AGAP2: variants seen among roughly 807,000 people sequenced by gnomAD.
AGAP2 encodes ArfGAP with GTPase domain, ankyrin repeat and PH domain 2, also known as arf-GAP with GTPase, ANK repeat and PH domain-containing protein 2.
Under a neutral mutation model 110.9 loss-of-function variants are expected in AGAP2, and 32 were observed. The ratio of observed to expected loss-of-function variants is 0.29; its 90% CI spans 0.22 to 0.39. The LOEUF (loss-of-function observed/expected upper bound fraction) is 0.39, where lower values mean the gene tolerates loss of function less well. AGAP2 is among the 10% of genes least tolerant of loss of function. The pLI, the probability that AGAP2 is intolerant of heterozygous loss-of-function variation, is 1.00. For missense variants in AGAP2, 1,285 were observed against 1,638.5 expected (o/e 0.78, Z 3.72); for synonymous variants, 702 against 713.0 (o/e 0.98, Z 0.25).
Position 57,734,187 on chromosome 12 carries a change from A to G in AGAP2, c.1402-14T>C. 6.2e-7 allele frequency: 1 copy of G among 1,604,514 alleles called. No homozygotes were observed. Among genetic ancestry groups the G allele is most frequent in the African/African-American group, 1.3e-5 (1 of 74,814 alleles). On this transcript the variant is annotated splice_polypyrimidine_tract_variant and intron_variant, in intron 4 of 18. Coordinates refer to ENST00000547588, the MANE Select transcript of AGAP2 (RefSeq NM_001122772.3). ...CCAGCCTGAGAACTTGCGGGGAGTG[A>G]GGGAGCAAATGGAAAGTCAGACAGG...
intron 13 of AGAP2, among the ~76,000 whole-genome samples, chr12:57,728,859 T>C (rs1954826969): frequency 6.6e-6 from 1 of 151,868 alleles, no homozygotes; most frequent in South Asian, 2.1e-4. Flanking sequence ...CACTTGGCAA[T>C]AGAAAGTTAT....
At chr12:57,733,056 C>A in intron 5 of AGAP2, 77 bp from the exon 6 acceptor site, 1 of 1,583,048 alleles carries the variant, frequency 6.3e-7, no homozygotes, top group Non-Finnish European at 8.6e-7. Context: ...CTTATCCTTG[C>A]ACTGGGCCCT....
rs1277448447 is a variant in AGAP2 at position 57,726,731 on chromosome 12, C to A, written c.3400G>T (p.Ala1134Ser). 5 of 1,270,708 alleles carry A rather than the reference C, an allele frequency of 3.9e-6. No individual in the cohort carries two copies. Among genetic ancestry groups the A allele is most frequent in the Non-Finnish European group, 5.0e-6 (5 of 1,008,960 alleles). 78.7% of individuals were successfully genotyped at this position (1,270,708 alleles called of 1,614,324 possible). Residue 1134 changes from alanine to serine, a missense_variant, in exon 19 of 19, where the codon GCT (alanine) becomes TCT (serine). Ala to Ser is a moderately conservative substitution (Grantham distance 99). Around this residue, in one of 7 missense-constraint regions of AGAP2, gnomAD observed 201 missense variants for 276.1 expected, o/e 0.73. Coordinates refer to ENST00000547588, the MANE Select transcript of AGAP2 (RefSeq NM_001122772.3). This position sits in a 1 kb window ranked among gnomAD's most constrained non-coding sequence, Gnocchi z 5.7. Reference sequence around the variant, plus strand: ...ATGTCGGCGCACAGCTGGCTTCCAGCCTGGCGGGCGTAGAACAGCGCCGTG... The same window carrying A: ...ATGTCGGCGCACAGCTGGCTTCCAGACTGGCGGGCGTAGAACAGCGCCGTG... Reference protein sequence around the residue: ...GRTALFYARQAGSQLCADILL... With the variant: ...GRTALFYARQSGSQLCADILL...
chr12:57,727,338 C>T (rs752098497), intron 17 of AGAP2, 22 bp downstream of exon 17: 6 of 1,605,386 alleles, frequency 3.7e-6, no homozygotes, highest in East Asian at 4.5e-5. Context: ...ACCCTCCCCC[C>T]GCTCTGTTCC....
At chr12:57,731,029 G>T in intron 10 of AGAP2, 76 bp from the exon 11 acceptor site, 1 of 1,394,916 alleles carries the variant, frequency 7.2e-7, no homozygotes, top group Non-Finnish European at 9.5e-7. Flanking sequence ...ACATGGTACA[G>T]AATAGAGAGG....
At chr12:57,728,882 G>A (rs920986446) in intron 13 of AGAP2, among the ~76,000 whole-genome samples, 5 of 152,100 alleles carry the variant, frequency 3.3e-5, no homozygotes, top group Admixed American at 6.5e-5. Context: ...GGAGAAGGCC[G>A]GGCACGGTGA....
At chr12:57,736,552 T>C (rs1355820766) in intron 1 of AGAP2, among the ~76,000 whole-genome samples, 4 of 152,182 alleles carry the variant, frequency 2.6e-5, no homozygotes, top group Admixed American at 2.0e-4. Context: ...CGGACTCGCG[T>C]ACCGCCCAAT....
chr12:57,738,456 C>G lies in AGAP2; in HGVS notation c.-210G>C, dbSNP rs566554425. On this transcript the variant is annotated 5_prime_UTR_variant, in exon 1 of 19. Transcript: ENST00000547588. The surrounding 1 kb of genome is among the most constrained non-coding windows in gnomAD (Gnocchi z 6.7). Reference sequence around the variant, plus strand: ...GCGCCCCCTCCCCATGCTCCCCGCCCTGCGCCCCCACCCTCTTGGAGCCCC... The same window carrying G: ...GCGCCCCCTCCCCATGCTCCCCGCCGTGCGCCCCCACCCTCTTGGAGCCCC... 4.5e-3 allele frequency: 1,540 copies of G among 342,120 alleles called. 3 individuals carry two copies. Among genetic ancestry groups the G allele is most frequent in the Non-Finnish European group, 5.8e-3 (1,400 of 241,690 alleles). The allele number at this position is 342,120 out of a possible 1,614,324, so 21.2% of individuals were successfully genotyped here.
In AGAP2 at chr12:57,726,365, T is replaced by G; in HGVS notation, c.*187A>C. On this transcript the variant is annotated 3_prime_UTR_variant, in exon 19 of 19. Coordinates refer to ENST00000547588, the MANE Select transcript of AGAP2 (RefSeq NM_001122772.3). The surrounding 1 kb of genome is among the most constrained non-coding windows in gnomAD (Gnocchi z 5.7). The stretch of plus-strand genomic sequence containing the variant: ...GTTGAGCTGGGGTCTCCATGCCTCG[T>G]TGGGGAGAGGGAGGTGAGTTTGTGT... The G allele has an allele frequency of 6.7e-5, 27 of 403,382 alleles. No homozygotes were observed. The highest frequency in any genetic ancestry group is 1.2e-4 in the East Asian group (2 of 16,696). The allele number at this position is 403,382 out of a possible 1,614,324, so 25.0% of individuals were successfully genotyped here. A position where few individuals can be genotyped will look rare whatever the true frequency, so the allele number is the denominator to read the frequency against.
upstream of AGAP2, among the ~76,000 whole-genome samples, chr12:57,741,020 C>T (rs238529): frequency 0.99 from 151,135 of 152,344 alleles, 74,978 homozygotes; most frequent in East Asian, 1. Flanking sequence ...TTCCACCAGA[C>T]ACCTTTCATG....
chr12:57,727,136 C>T lies in AGAP2; in HGVS notation c.3174G>A (p.Leu1058=). The T allele has an allele frequency of 6.9e-6, 11 of 1,602,448 alleles. No homozygotes were observed. The highest frequency in any genetic ancestry group is 3.5e-5 in the Admixed American group (2 of 57,364). Residue 1058 remains leucine, a synonymous_variant, in exon 18 of 19, where the codon CTG becomes CTA. Transcript: ENST00000547588. ...CGTCCTGGGCCTGCACGGCGGCCCA[C>T]AGCTGGCGGCCCAGCGGCTCCTCCG... ...STSEEPLGRQ[L]WAAVQAQDVA...
chr12:57,731,843 T>A lies in AGAP2; in HGVS notation c.1919A>T (p.His640Leu). ...GCTGGTCCTGCGCTTGGCTGCCCGG[T>A]GCAGGGACCCTGGGGTGCTCAATCC... is the stretch of plus-strand genomic sequence containing the variant. Reference protein sequence around the residue: ...VAGLSTPGSLHRAAKRRTSLF... With the variant: ...VAGLSTPGSLLRAAKRRTSLF... Residue 640 changes from histidine to leucine, a missense_variant, in exon 8 of 19, where the codon CAC (histidine) becomes CTC (leucine). Physicochemically the swap from His to Leu is moderately conservative, Grantham distance 99. Transcript: ENST00000547588. The A allele has an allele frequency of 6.3e-7, 1 of 1,597,144 alleles. No homozygotes were observed. The highest frequency in any genetic ancestry group is 8.5e-7 in the Non-Finnish European group (1 of 1,172,176).
In AGAP2 at chr12:57,735,373, C is replaced by G; in HGVS notation, c.1223G>C (p.Arg408Pro). 1 of 1,613,872 alleles carries G rather than the reference C, an allele frequency of 6.2e-7. No individual in the cohort carries two copies. Among genetic ancestry groups the G allele is most frequent in the African/African-American group, 1.3e-5 (1 of 75,000 alleles). Reference sequence around the variant, plus strand: ...CAAGGGGACTGGGTTACCTACCAGGCGCAGTTCAGGAATGGAGCGGCTCAA... The same window carrying G: ...CAAGGGGACTGGGTTACCTACCAGGGGCAGTTCAGGAATGGAGCGGCTCAA... ...WTLSRSIPEL[R>P]LGVLGDARSG... The change falls in exon 2 of 19, where the codon CGC becomes CCC. Residue 408 changes from arginine to proline, a missense_variant. By Grantham distance (103) the Arg-to-Pro change is moderately radical. This residue lies in a region of AGAP2 where 844 missense variants were observed against 941.2 expected (regional missense o/e 0.90). Coordinates refer to ENST00000547588, the MANE Select transcript of AGAP2 (RefSeq NM_001122772.3).
In AGAP2 at chr12:57,737,898, C is replaced by T; in HGVS notation, c.349G>A (p.Val117Ile). Residue 117 changes from valine to isoleucine, a missense_variant, in exon 1 of 19, where the codon GTC becomes ATC. Transcript: ENST00000547588. The surrounding 1 kb of genome is among the most constrained non-coding windows in gnomAD (Gnocchi z 5.9). ...CCGGAGAGCGGGGGTCCCGGAGGGA[C>T]GGCCCAGAGGGAGAGGCGGCGGCCG... ...APGRRLSLWA[V>I]PPGPPLSGGL... 2 of 1,405,774 alleles carry T rather than the reference C, an allele frequency of 1.4e-6. No homozygotes were observed. The highest frequency in any genetic ancestry group is 5.8e-5 in the East Asian group (2 of 34,670). The allele number at this position is 1,405,774 out of a possible 1,614,324, so 87.1% of individuals were successfully genotyped here.
chr12:57,732,773 T>C (rs764124458), intron 6 of AGAP2, 72 bp downstream of exon 6: 43 of 1,594,908 alleles, frequency 2.7e-5, no homozygotes, highest in Non-Finnish European at 3.7e-5. Flanking sequence ...GAGGCCTGGA[T>C]GCCTGACCAC....
intron 12 of AGAP2, 82 bp downstream of exon 12, chr12:57,730,413 C>T (rs1954862498): frequency 2.5e-6 from 4 of 1,570,100 alleles, no homozygotes; most frequent in East Asian, 4.5e-5. Flanking sequence ...TTCCAGCCTC[C>T]AAGCCTTCAC....
intron 10 of AGAP2, 119 bp from the exon 11 acceptor site, chr12:57,731,072 T>G: frequency 9.2e-7 from 1 of 1,082,250 alleles, no homozygotes; most frequent in Non-Finnish European, 1.3e-6. Flanking sequence ...CCAAATGGGT[T>G]GTGATGAACA....
At chr12:57,741,253 T>G (rs980813810), upstream of AGAP2, among the ~76,000 whole-genome samples, 1 of 152,110 alleles carries the variant, frequency 6.6e-6, no homozygotes, top group Non-Finnish European at 1.5e-5. Flanking sequence ...TGTGTTGTCA[T>G]CACTTGCTCT....
upstream of AGAP2, among the ~76,000 whole-genome samples, chr12:57,738,985 G>GC (rs979194710): frequency 1.3e-5 from 2 of 150,036 alleles, no homozygotes; most frequent in Admixed American, 6.6e-5. The surrounding 1 kb of genome is among the most constrained non-coding windows in gnomAD (Gnocchi z 6.7). Context: ...CGGCCCCCAG[G>GC]CCCCCCCACC....
Sources: allele counts gnomAD v4.1 joint callset (sites outside exome capture counted in the v4.1 genomes callset), GRCh38; gene constraint gnomAD v4.1.1; regional missense constraint gnomAD v4.1.1; non-coding constraint Gnocchi (gnomAD v3.1); transcripts MANE v1.5; gene names NCBI Gene and HGNC (gene_info 2026-07-23, HGNC 2026-07-21).